Variants in KIF16B observed in about 807,000 individuals in gnomAD.
The protein encoded by KIF16B is kinesin-like protein KIF16B.
Under a neutral mutation model 156.3 loss-of-function variants are expected in KIF16B, and 98 were observed. The observed-to-expected ratio is 0.63, with a 90% CI of 0.53 to 0.74. KIF16B has a LOEUF of 0.74. Ranked by LOEUF, KIF16B falls within the 30% of genes least tolerant of loss-of-function variation. The pLI, the probability that KIF16B is intolerant of heterozygous loss-of-function variation, is 0.00. For missense variants in KIF16B, 1,421 were observed against 1,606.5 expected, an observed-to-expected ratio of 0.88 and a Z score of 1.97; for synonymous variants, 564 against 583.7, an observed-to-expected ratio of 0.97 and a Z score of 0.49.
At position 16,477,202 on chromosome 20, in the gene KIF16B, T is replaced by TTTTC. The variant is rs67735700; in HGVS notation, c.1302+17088_1302+17089insGAAA. 2.4e-4 allele frequency among the ~76,000 whole-genome samples: 33 copies of TTTTC among 139,318 alleles called. No individual in the cohort carries two copies. In the South Asian group the frequency reaches 2.7e-3, roughly 11 times the overall value. The allele number at this position is 139,318 out of a possible 152,430, so 91.4% of individuals were successfully genotyped here. On this transcript the variant is annotated intron_variant, in intron 12 of 25. Transcript: ENST00000354981. ...TTTCCTTGTGGGTTTTTTTTTTTTC[T>TTTTC]CTCCTTAAAAAAAAAAAAAGGTGGG...
intron 17 of KIF16B, 146 bp downstream of exon 17, chr20:16,404,667 G>A: frequency 1.6e-6 from 1 of 631,222 alleles, no homozygotes; most frequent in South Asian, 1.9e-5. Context: ...GTAAGGGCTG[G>A]AAAGGAACTC....
intron 17 of KIF16B, among the ~76,000 whole-genome samples, chr20:16,388,753 G>A (rs2065286352): frequency 6.6e-6 from 1 of 152,002 alleles, no homozygotes; most frequent in African/African-American, 2.4e-5. Flanking sequence ...ATGAGGGGGT[G>A]GGAATTTCTC....
Position 16,511,430 on chromosome 20 carries a change from G to A in KIF16B, c.544C>T (p.Pro182Ser). The change falls in exon 6 of 26, where the codon CCT becomes TCT. Residue 182 changes from proline (P) to serine (S), a missense_variant. Transcript: ENST00000354981. ...TATCTACTCTTACCCTCAACATAAG[G>A]GCCTTCTTTGGGATGCTCACGGACT... is the stretch of plus-strand genomic sequence containing the variant. ...LRVREHPKEG[P>S]YVEDLSKHLV... 2 of 1,589,942 alleles carry A rather than the reference G, an allele frequency of 1.3e-6. No individual in the cohort carries two copies. Among genetic ancestry groups the A allele is most frequent in the Non-Finnish European group, 1.7e-6 (2 of 1,161,670 alleles).
At chr20:16,293,344 G>T (rs2063339521) in intron 25 of KIF16B, among the ~76,000 whole-genome samples, 2 of 152,136 alleles carry the variant, frequency 1.3e-5, no homozygotes, top group South Asian at 4.1e-4. Flanking sequence ...AAAAGATCAA[G>T]AATCAAAATG....
intron 22 of KIF16B, among the ~76,000 whole-genome samples, chr20:16,360,266 T>A (rs192023236): frequency 7.2e-4 from 109 of 152,326 alleles, no homozygotes; most frequent in African/African-American, 2.5e-3. Flanking sequence ...TTAACATAAA[T>A]GTCTCTTAAA....
intron 1 of KIF16B, among the ~76,000 whole-genome samples, chr20:16,540,951 C>T (rs2070172925): frequency 1.3e-5 from 2 of 152,040 alleles, no homozygotes; most frequent in East Asian, 1.9e-4. Context: ...CAGATGTATT[C>T]GCCTCCCTAC....
intron 10 of KIF16B, among the ~76,000 whole-genome samples, chr20:16,500,925 A>G (rs1228042556): frequency 2.0e-5 from 3 of 151,826 alleles, no homozygotes; most frequent in East Asian, 1.9e-4. Context: ...TTTCATTTCT[A>G]TACTGTTTGA....
chr20:16,378,967 A>G lies in KIF16B; in HGVS notation c.3035T>C (p.Leu1012Pro), dbSNP rs1383594821. The G allele has an allele frequency of 1.2e-6, 2 of 1,613,970 alleles. No homozygotes were observed. The highest frequency in any genetic ancestry group is 1.3e-5 in the African/African-American group (1 of 74,918). ...REALERALAR[L>P]ERRHSALQRH... ...CTGCAGCGCAGAATGTCTCCTCTCCAGCCTGGCCAGGGCCCGCTCCAGCGC... is the reference window on the plus strand; with the variant it reads ...CTGCAGCGCAGAATGTCTCCTCTCCGGCCTGGCCAGGGCCCGCTCCAGCGC... Residue 1012 changes from leucine to proline, a missense_variant, in exon 19 of 26, where the codon CTG (leucine) becomes CCG (proline). Leu to Pro is a moderately conservative substitution (Grantham distance 98). Coordinates refer to ENST00000354981, the MANE Select transcript of KIF16B (RefSeq NM_024704.5).
intron 25 of KIF16B, among the ~76,000 whole-genome samples, chr20:16,290,677 A>G (rs2063302018): frequency 6.6e-6 from 1 of 152,174 alleles, no homozygotes; most frequent in African/African-American, 2.4e-5. Flanking sequence ...AGTCAGGGTC[A>G]AGCCCTAGGT....
At chr20:16,403,887 G>C (rs890994843) in intron 17 of KIF16B, among the ~76,000 whole-genome samples, 3 of 152,170 alleles carry the variant, frequency 2.0e-5, no homozygotes, top group Admixed American at 2.0e-4. Flanking sequence ...AATGGAACCA[G>C]TCCCCCAACT....
At chr20:16,279,366 TG>T (rs752014809) in intron 25 of KIF16B, among the ~76,000 whole-genome samples, 12 of 152,130 alleles carry the variant, frequency 7.9e-5, no homozygotes, top group Non-Finnish European at 1.8e-4. Flanking sequence ...TTCAAGAGTT[TG>T]AGAAATTCAG....
At chr20:16,426,354 C>T (rs184926023) in intron 15 of KIF16B, among the ~76,000 whole-genome samples, 129 of 152,122 alleles carry the variant, frequency 8.5e-4, no homozygotes, top group African/African-American at 2.3e-3. Context: ...CTACTGTTTT[C>T]AAAACTGCCA....
intron 23 of KIF16B, among the ~76,000 whole-genome samples, chr20:16,348,865 A>T (rs921629947): frequency 3.3e-5 from 5 of 152,188 alleles, no homozygotes; most frequent in African/African-American, 1.2e-4. Flanking sequence ...ACCAAACATG[A>T]TGGAACAGAT....
intron 1 of KIF16B, among the ~76,000 whole-genome samples, chr20:16,533,151 C>T (rs2069821191): frequency 1.3e-5 from 2 of 152,176 alleles, no homozygotes; most frequent in Non-Finnish European, 2.9e-5. Context: ...ATCCTATGTA[C>T]TGGGATGACT....
intron 22 of KIF16B, among the ~76,000 whole-genome samples, chr20:16,370,217 A>T (rs1203379040): frequency 6.6e-6 from 1 of 152,202 alleles, no homozygotes; most frequent in Non-Finnish European, 1.5e-5. Flanking sequence ...TTTCCTTTAT[A>T]CTACTACCAA....
intron 23 of KIF16B, 119 bp downstream of exon 23, chr20:16,356,211 A>T: frequency 7.6e-7 from 1 of 1,321,910 alleles, no homozygotes; most frequent in Non-Finnish European, 1.1e-6. Context: ...GCAAGACCAA[A>T]TATTTTACAA....
chr20:16,376,375 G>A (rs952594105), intron 19 of KIF16B, among the ~76,000 whole-genome samples: 2 of 152,190 alleles, frequency 1.3e-5, no homozygotes, highest in Non-Finnish European at 2.9e-5. Flanking sequence ...GAAGGCAATG[G>A]GAGAGCCAAG....
chr20:16,314,613 G>A (rs1054466169), intron 24 of KIF16B, among the ~76,000 whole-genome samples: 3 of 152,200 alleles, frequency 2.0e-5, no homozygotes, highest in Non-Finnish European at 4.4e-5. Flanking sequence ...ACGTTTCTCT[G>A]AGCCCGAGTA....
At chr20:16,329,594 A>C (rs1338153604) in intron 24 of KIF16B, among the ~76,000 whole-genome samples, 1 of 152,222 alleles carries the variant, frequency 6.6e-6, no homozygotes, top group Non-Finnish European at 1.5e-5. Context: ...TCTACAAACT[A>C]GCTGTGGCAT....
Sources: allele counts gnomAD v4.1 joint callset (sites outside exome capture counted in the v4.1 genomes callset), GRCh38; gene constraint gnomAD v4.1.1; transcripts MANE v1.5; gene names NCBI Gene and HGNC (gene_info 2026-07-23, HGNC 2026-07-21).